DACH2: variants seen among roughly 807,000 people sequenced by gnomAD.
The protein encoded by DACH2 is dachshund family transcription factor 2, also known as dachshund homolog 2.
DACH2 carries 17 observed loss-of-function variants against 35.8 expected under a neutral mutation model. The ratio of observed to expected loss-of-function variants is 0.48; its 90% CI spans 0.33 to 0.71. The LOEUF is 0.71. Among genes scored for constraint, DACH2 ranks in the 30% least tolerant of loss-of-function variants. The pLI, the probability that DACH2 is intolerant of heterozygous loss-of-function variation, is 0.02. For synonymous variants in DACH2, 195 were observed against 177.3 expected (o/e 1.10, Z -0.79); for missense variants, 469 against 472.7 (o/e 0.99, Z 0.07).
intron 7 of DACH2, among the ~76,000 whole-genome samples, chrX:86,773,279 T>A (rs758686399): frequency 3.5e-4 from 39 of 111,982 alleles, no homozygotes; most frequent in Non-Finnish European, 4.0e-4. Flanking sequence ...ACACAAATGC[T>A]TAGGGGAGAA....
chrX:86,237,617 G>C (rs1293033816), intron 1 of DACH2, among the ~76,000 whole-genome samples: 1 of 111,762 alleles, frequency 8.9e-6, no homozygotes, highest in Non-Finnish European at 1.9e-5. Context: ...CTGGCAGGCT[G>C]TGCTGGGCTT....
intron 1 of DACH2, among the ~76,000 whole-genome samples, chrX:86,265,750 T>C (rs893394029): frequency 2.7e-5 from 3 of 111,577 alleles, no homozygotes; most frequent in African/African-American, 9.8e-5. Context: ...GGTGAAACTT[T>C]TGTGGAGGAG....
intron 1 of DACH2, among the ~76,000 whole-genome samples, chrX:86,152,934 A>AT (rs2030415518): frequency 1.8e-5 from 2 of 111,779 alleles, no homozygotes; most frequent in Admixed American, 9.5e-5. Flanking sequence ...TATGCAATAG[A>AT]TTTTTCTTAC....
intron 2 of DACH2, among the ~76,000 whole-genome samples, chrX:86,436,897 T>G (rs1390179651): frequency 9.0e-6 from 1 of 111,555 alleles, no homozygotes; most frequent in East Asian, 2.8e-4. Context: ...GTCCATTTCA[T>G]GTAAGTTATC....
At chrX:86,403,952 G>A (rs1423354542) in intron 2 of DACH2, among the ~76,000 whole-genome samples, 1 of 110,278 alleles carries the variant, frequency 9.1e-6, no homozygotes, top group Non-Finnish European at 1.9e-5. Flanking sequence ...GTGGCAGCAA[G>A]GAGAAGTGCA....
intron 1 of DACH2, among the ~76,000 whole-genome samples, chrX:86,273,801 T>G (rs1261389509): frequency 8.9e-6 from 1 of 112,020 alleles, no homozygotes; most frequent in Non-Finnish European, 1.9e-5. Flanking sequence ...TTTTCCAAAT[T>G]TTATCATTCT....
At chrX:86,810,134 C>T (rs2042381507) in intron 7 of DACH2, among the ~76,000 whole-genome samples, 1 of 111,758 alleles carries the variant, frequency 8.9e-6, no homozygotes, top group South Asian at 3.7e-4. Context: ...GACCATGCAA[C>T]CTGTCTTCAT....
chrX:86,442,763 C>T (rs914712389), intron 2 of DACH2, among the ~76,000 whole-genome samples: 3 of 111,505 alleles, frequency 2.7e-5, no homozygotes, highest in Non-Finnish European at 5.7e-5. Flanking sequence ...CTTCATTCCT[C>T]TGCAAGTGGA....
intron 2 of DACH2, among the ~76,000 whole-genome samples, chrX:86,457,309 C>T (rs1240685355): frequency 2.7e-5 from 3 of 111,729 alleles, no homozygotes; most frequent in African/African-American, 9.7e-5. Flanking sequence ...TGTTACATAA[C>T]CTATTACCTC....
chrX:86,487,984 G>T (rs1277852339), intron 2 of DACH2, among the ~76,000 whole-genome samples: 1 of 110,213 alleles, frequency 9.1e-6, no homozygotes, highest in Non-Finnish European at 1.9e-5. Flanking sequence ...TATAAATTGG[G>T]GACAATAAAG....
At chrX:86,348,258 C>G (rs762663607) in intron 1 of DACH2, among the ~76,000 whole-genome samples, 1 of 111,877 alleles carries the variant, frequency 8.9e-6, no homozygotes, top group South Asian at 3.7e-4. Flanking sequence ...ACTGTTTTGT[C>G]ATTAGGTTTA....
At chrX:86,464,321 C>A (rs1365095080) in intron 2 of DACH2, among the ~76,000 whole-genome samples, 1 of 80,320 alleles carries the variant, frequency 1.2e-5, no homozygotes, top group Non-Finnish European at 2.5e-5. Context: ...ACATATACAC[C>A]ATGGAATACT....
chrX:86,552,292 A>T, intron 3 of DACH2, among the ~76,000 whole-genome samples: 1 of 112,030 alleles, frequency 8.9e-6, no homozygotes, highest in East Asian at 2.8e-4. Context: ...GAATCTAAAA[A>T]GTTGGAGGCA....
intron 1 of DACH2, among the ~76,000 whole-genome samples, chrX:86,254,453 GT>G (rs2033462008): frequency 9.1e-6 from 1 of 109,572 alleles, no homozygotes; most frequent in South Asian, 3.9e-4. Flanking sequence ...AGTATTTTGT[GT>G]AAAGCAATTA....
intron 1 of DACH2, among the ~76,000 whole-genome samples, chrX:86,274,788 G>A (rs908576351): frequency 2.7e-5 from 3 of 110,826 alleles, no homozygotes; most frequent in African/African-American, 9.9e-5. Flanking sequence ...ATGAGCCACC[G>A]CGCCCTGCCA....
chrX:86,653,945 G>A (rs1472662471), intron 4 of DACH2, among the ~76,000 whole-genome samples: 1 of 109,984 alleles, frequency 9.1e-6, no homozygotes, highest in East Asian at 2.9e-4. Flanking sequence ...GGGATTACAG[G>A]TGTGAGCCAC....
chrX:86,294,677 T>C (rs916776922), intron 1 of DACH2, among the ~76,000 whole-genome samples: 24 of 110,064 alleles, frequency 2.2e-4, no homozygotes, highest in Non-Finnish European at 2.5e-4. Flanking sequence ...GTTGGAGTAC[T>C]CTGTGTGAGG....
At chrX:86,797,339 G>A (rs1348526193) in intron 7 of DACH2, among the ~76,000 whole-genome samples, 1 of 109,832 alleles carries the variant, frequency 9.1e-6, no homozygotes, top group Non-Finnish European at 1.9e-5. Context: ...ATATTTGCAG[G>A]TTACTAAAAG....
At chrX:86,428,948 C>T (rs1404166752) in intron 2 of DACH2, among the ~76,000 whole-genome samples, 4 of 110,961 alleles carry the variant, frequency 3.6e-5, no homozygotes, top group African/African-American at 9.8e-5. Context: ...TGTATATACA[C>T]GATTTAATTC....
Sources: gnomAD v4.1 joint callset for allele counts (sites outside exome capture counted in the v4.1 genomes callset) on GRCh38, gnomAD v4.1.1 for gene constraint, MANE v1.5 for transcripts, NCBI Gene and HGNC (gene_info 2026-07-23, HGNC 2026-07-21) for gene names.